The following MAMLD1 variants were observed in gnomAD, a reference collection of about 807,000 sequenced individuals.
MAMLD1 encodes the protein mastermind like domain containing 1.
A neutral mutation model predicts 45.0 loss-of-function variants in MAMLD1; 14 were observed. The observed-to-expected ratio is 0.31, with a 90% CI of 0.21 to 0.49. MAMLD1 has a LOEUF of 0.49. Ranked by LOEUF, MAMLD1 falls within the 20% of genes least tolerant of loss-of-function variation. The pLI is 0.99. For missense variants in MAMLD1, 543 were observed against 603.6 expected, an observed-to-expected ratio of 0.90 and a Z score of 1.05; for synonymous variants, 254 against 247.8, an observed-to-expected ratio of 1.02 and a Z score of -0.24.
At chrX:150,504,735 T>C in intron 6 of MAMLD1, 1 of 752,588 alleles carries the variant, frequency 1.3e-6, no homozygotes, top group Non-Finnish European at 1.6e-6. Context: ...TTCTCTCTCT[T>C]CTCAAGCCAA....
intron 1 of MAMLD1, among the ~76,000 whole-genome samples, chrX:150,420,781 G>T (rs1354631384): frequency 3.0e-4 from 34 of 112,523 alleles, no homozygotes; most frequent in Middle Eastern, 4.6e-3. Context: ...CACTTGAGGA[G>T]GCAGTCTGCC....
chrX:150,403,923 AAGAC>A (rs1173376180), intron 1 of MAMLD1, among the ~76,000 whole-genome samples: 8 of 81,608 alleles, frequency 9.8e-5, no homozygotes, highest in African/African-American at 3.5e-4. Context: ...AAAAGAAAGA[AAGAC>A]AGAGAAAGAA....
At chrX:150,508,895 T>C (rs2148367021) in intron 6 of MAMLD1, among the ~76,000 whole-genome samples, 1 of 111,558 alleles carries the variant, frequency 9.0e-6, no homozygotes, top group African/African-American at 3.3e-5. Flanking sequence ...CTCCCCTCAC[T>C]GTGTGGGGTG....
Position 150,512,443 on chromosome X carries a change from C to T in MAMLD1, c.*484C>T. On this transcript the variant is annotated 3_prime_UTR_variant, in exon 8 of 8. Coordinates refer to ENST00000370401, the MANE Select transcript of MAMLD1 (RefSeq NM_005491.5). Reference sequence around the variant, plus strand: ...GGGTCACAGCGGCAGCAGCTGTGACCACAGCAGTTTCGGGGAAAACACCCC... The same window carrying T: ...GGGTCACAGCGGCAGCAGCTGTGACTACAGCAGTTTCGGGGAAAACACCCC... 8.7e-7 allele frequency: 1 copy of T among 1,155,896 alleles called. No individual in the cohort carries two copies. The highest frequency in any genetic ancestry group is 1.1e-6 in the Non-Finnish European group (1 of 872,716).
intron 1 of MAMLD1, among the ~76,000 whole-genome samples, chrX:150,425,781 C>A (rs1460947562): frequency 8.9e-6 from 1 of 112,076 alleles, no homozygotes; most frequent in East Asian, 2.8e-4. Context: ...ATACTTCCTG[C>A]CAAGGACCTG....
chrX:150,362,452 C>T (rs1164647727), upstream of MAMLD1, among the ~76,000 whole-genome samples: 1 of 108,943 alleles, frequency 9.2e-6, no homozygotes, highest in East Asian at 2.9e-4. Context: ...CTCCTCTCCT[C>T]TCATCTCCTC....
At chrX:150,490,313 T>C (rs998597378) in intron 5 of MAMLD1, among the ~76,000 whole-genome samples, 2 of 112,494 alleles carry the variant, frequency 1.8e-5, no homozygotes, top group Non-Finnish European at 3.8e-5. Context: ...GACTGGCTGA[T>C]AGCTAGACTA....
intron 2 of MAMLD1, among the ~76,000 whole-genome samples, chrX:150,454,410 T>C (rs1381298845): frequency 8.9e-6 from 1 of 111,956 alleles, no homozygotes. Context: ...CCACATGACA[T>C]CTAAGGAACT....
chrX:150,392,346 G>C (rs1470048910), intron 1 of MAMLD1, among the ~76,000 whole-genome samples: 1 of 111,488 alleles, frequency 9.0e-6, no homozygotes, highest in Non-Finnish European at 1.9e-5. Context: ...GGACTGAGTA[G>C]GGGTGGAAGT....
chrX:150,465,431 AG>A (rs1440788623), intron 3 of MAMLD1, among the ~76,000 whole-genome samples: 1 of 112,093 alleles, frequency 8.9e-6, no homozygotes. Flanking sequence ...CTCATTATCT[AG>A]GGGGTGGGGA....
chrX:150,473,157 G>A (rs193039363), intron 4 of MAMLD1, among the ~76,000 whole-genome samples: 11 of 111,983 alleles, frequency 9.8e-5, no homozygotes, highest in African/African-American at 2.9e-4. Context: ...CTTGGCCCAC[G>A]CCATCTGGTC....
At position 150,470,788 on chromosome X, in the gene MAMLD1, T is replaced by G; in HGVS notation, c.1215T>G (p.Tyr405Ter). 1 of 1,212,195 alleles carries G rather than the reference T, an allele frequency of 8.2e-7. No individual in the cohort carries two copies. The highest frequency in any genetic ancestry group is 1.1e-6 in the Non-Finnish European group (1 of 895,641). ...CTGCCCTGGGGCCCGCCATGCCCTATGCTCCTGAGAAGCTCCCCAGCCCTG... is the reference window on the plus strand; with the variant it reads ...CTGCCCTGGGGCCCGCCATGCCCTAGGCTCCTGAGAAGCTCCCCAGCCCTG... ...SNAALGPAMP[Y>*]APEKLPSPAL... Residue 405 changes from tyrosine (Y) to a stop codon, truncating the protein, a stop_gained, in exon 4 of 8, where the codon TAT (tyrosine) becomes TAG (stop). Transcript: ENST00000370401. LOFTEE classifies it high-confidence loss of function.
At chrX:150,504,924 A>G in intron 6 of MAMLD1, 1 of 753,746 alleles carries the variant, frequency 1.3e-6, no homozygotes, top group Non-Finnish European at 1.6e-6. Flanking sequence ...GAGACAGAGG[A>G]TGCAGGCACC....
At chrX:150,368,854 C>G (rs1422114473) in intron 1 of MAMLD1, among the ~76,000 whole-genome samples, 3 of 111,895 alleles carry the variant, frequency 2.7e-5, no homozygotes, top group Non-Finnish European at 5.6e-5. Context: ...TCAGGTTTGT[C>G]AAAGATCAGA....
At chrX:150,420,490 G>A (rs1272113341) in intron 1 of MAMLD1, among the ~76,000 whole-genome samples, 4 of 111,807 alleles carry the variant, frequency 3.6e-5, no homozygotes, top group African/African-American at 6.5e-5. Context: ...GAGGAACTGC[G>A]TTCCTTTGGA....
rs782429253 is a variant in MAMLD1 at position 150,431,397 on chromosome X, T to C, written c.-63-14057T>C. ...AATCGTTTTACTTCTTCTTCTTCCT[T>C]GTTTTTTTTTTTTTCTACTTTTTAA... On this transcript the variant is annotated intron_variant, in intron 1 of 7. Transcript: ENST00000370401. 7.5e-3 allele frequency among the ~76,000 whole-genome samples: 41 copies of C among 5,459 alleles called. No individual in the cohort carries two copies. The Non-Finnish European group carries it at 0.081, about 11-fold the overall frequency. The allele number at this position is 5,459 out of a possible 115,157, so 4.7% of individuals were successfully genotyped here. A position where few individuals can be genotyped will look rare whatever the true frequency, so the allele number is the denominator to read the frequency against.
Position 150,512,126 on chromosome X carries a change from C to A in MAMLD1, c.*167C>A, listed in dbSNP as rs868949305. On this transcript the variant is annotated 3_prime_UTR_variant, in exon 8 of 8. Coordinates refer to ENST00000370401, the MANE Select transcript of MAMLD1 (RefSeq NM_005491.5). ...CAATCTGAGTCCAGGAATGATCCCA[C>A]TCACCAGGCACCAGAGCTGCGAGGG... 6.1e-6 allele frequency: 7 copies of A among 1,154,358 alleles called. No individual in the cohort carries two copies. Among genetic ancestry groups the A allele is most frequent in the Non-Finnish European group, 8.0e-6 (7 of 871,906 alleles).
At chrX:150,381,919 T>G (rs2032628960) in intron 1 of MAMLD1, among the ~76,000 whole-genome samples, 1 of 111,509 alleles carries the variant, frequency 9.0e-6, no homozygotes, top group Non-Finnish European at 1.9e-5. Flanking sequence ...CTTTATATAT[T>G]CTAGATACTT....
chrX:150,434,489 G>A (rs886727084), intron 1 of MAMLD1, among the ~76,000 whole-genome samples: 2 of 110,898 alleles, frequency 1.8e-5, no homozygotes, highest in Non-Finnish European at 3.8e-5. Context: ...TACATCTCCT[G>A]TAGTGGCGAT....
Sources: gnomAD v4.1 joint callset for allele counts (sites outside exome capture counted in the v4.1 genomes callset) on GRCh38, gnomAD v4.1.1 for gene constraint, MANE v1.5 for transcripts, NCBI Gene and HGNC (gene_info 2026-07-23, HGNC 2026-07-21) for gene names.